MYBPC1: variants seen among roughly 807,000 people sequenced by gnomAD.
The protein encoded by MYBPC1 is myosin-binding protein C, slow-type.
MYBPC1 carries 52 observed loss-of-function variants against 147.1 expected under a neutral mutation model. The observed-to-expected ratio is 0.35, with a 90% confidence interval of 0.28 to 0.45. The LOEUF (loss-of-function observed/expected upper bound fraction) is 0.45. Ranked by LOEUF, MYBPC1 falls within the 20% of genes least tolerant of loss-of-function variation. The pLI, the probability that MYBPC1 is intolerant of heterozygous loss-of-function variation, is 1.00. For missense variants in MYBPC1, 1,228 were observed against 1,440.3 expected, an observed-to-expected ratio of 0.85 and a Z score of 2.39; for synonymous variants, 477 against 475.9, an observed-to-expected ratio of 1.00 and a Z score of -0.03.
chr12:101,670,117 T>C (rs563732012), intron 23 of MYBPC1, among the ~76,000 whole-genome samples: 42 of 110,366 alleles, frequency 3.8e-4, no homozygotes, highest in African/African-American at 1.4e-3. Context: ...CATCTCTGTG[T>C]GGAAACCACA....
chr12:101,661,112 C>T lies in MYBPC1; in HGVS notation c.1928-46C>T, dbSNP rs370917663. 4.9e-5 allele frequency: 62 copies of T among 1,272,622 alleles called. No individual in the cohort carries two copies. In the African/African-American group the frequency reaches 6.2e-4, roughly 13 times the overall value. 78.8% of individuals were successfully genotyped at this position (1,272,622 alleles called of 1,614,324 possible). A position where few individuals can be genotyped will look rare whatever the true frequency, so the allele number is the denominator to read the frequency against. On this transcript the variant is annotated intron_variant, in intron 19 of 31. Coordinates refer to ENST00000361466, the MANE Select transcript of MYBPC1 (RefSeq NM_002465.4). ...TTTTCCTATTAACTTTTTTTTTCTA[C>T]TCCCTCTTCCTTATTTTACTTTATC...
At position 101,617,101 on chromosome 12, in the gene MYBPC1, G is replaced by A. The variant is rs1593696951; in HGVS notation, c.62-101G>A. The stretch of plus-strand genomic sequence containing the variant: ...TTCAGTATCATTTATGACCTGTTCT[G>A]CTGTCATTTATTTCTTCCCTCCCCC... On this transcript the variant is annotated intron_variant, in intron 2 of 31. Coordinates refer to ENST00000361466, the MANE Select transcript of MYBPC1 (RefSeq NM_002465.4). The A allele has an allele frequency of 3.0e-6, 3 of 1,015,008 alleles. No homozygotes were observed. The East Asian group carries it at 7.4e-5, about 25-fold the overall frequency. 62.9% of individuals were successfully genotyped at this position (1,015,008 alleles called of 1,614,324 possible). A position where few individuals can be genotyped will look rare whatever the true frequency, so the allele number is the denominator to read the frequency against.
At chr12:101,649,781 A>T (rs1894021761) in intron 15 of MYBPC1, among the ~76,000 whole-genome samples, 1 of 152,240 alleles carries the variant, frequency 6.6e-6, no homozygotes, top group African/African-American at 2.4e-5. Flanking sequence ...CTGCAATTAC[A>T]TTTGGCATGA....
downstream of MYBPC1, among the ~76,000 whole-genome samples, chr12:101,687,815 T>C (rs76034039): frequency 8.9e-3 from 1,350 of 152,322 alleles, 28 homozygotes; most frequent in African/African-American, 0.03. Context: ...TGGTTTTACA[T>C]AGCCTAAAAG....
chr12:101,650,940 G>C, intron 15 of MYBPC1: 7 of 413,672 alleles, frequency 1.7e-5, no homozygotes, highest in Non-Finnish European at 2.3e-5. Flanking sequence ...TCACATGGAT[G>C]AACTGAGGTA....
intron 17 of MYBPC1, 42 bp downstream of exon 17, chr12:101,652,826 T>G: frequency 6.7e-7 from 1 of 1,492,740 alleles, no homozygotes; most frequent in Non-Finnish European, 9.3e-7. Context: ...GTGTTCTTTT[T>G]TGTTTGCTTT....
intron 28 of MYBPC1, 111 bp downstream of exon 28, chr12:101,678,349 G>C (rs1395204036): frequency 1.4e-6 from 2 of 1,478,160 alleles, no homozygotes; most frequent in Non-Finnish European, 1.9e-6. Flanking sequence ...TTCCCAGGAT[G>C]GGGGATTAGA....
downstream of MYBPC1, among the ~76,000 whole-genome samples, chr12:101,688,143 G>T (rs1191265200): frequency 1.3e-5 from 2 of 152,142 alleles, no homozygotes; most frequent in African/African-American, 2.4e-5. Flanking sequence ...TTTTAGGCTG[G>T]GCACGGTGGC....
chr12:101,664,738 C>G (rs929241088), intron 22 of MYBPC1: 4 of 152,244 alleles, frequency 2.6e-5, no homozygotes, highest in Non-Finnish European at 5.9e-5. Flanking sequence ...ACTCCACACA[C>G]AGAGTCCTAT....
Position 101,642,577 on chromosome 12 carries a change from A to G in MYBPC1, c.824A>G (p.Lys275Arg). Residue 275 changes from lysine (K) to arginine (R), a missense_variant, in exon 11 of 32, where the codon AAG (lysine) becomes AGG (arginine). This residue lies in a region of MYBPC1 where 1,077 missense variants were observed against 1,314.2 expected (regional missense o/e 0.82). Transcript: ENST00000361466. ...RLKRMRREEKKSAAFAKILDP... is the reference protein window; with the variant it reads ...RLKRMRREEKRSAAFAKILDP... ...AAGCGCATGCGCAGAGAGGAGAAGA[A>G]GAGCGCAGGTGAGCGCTCCCGGGGG... 6.2e-7 allele frequency: 1 copy of G among 1,611,016 alleles called. No individual in the cohort carries two copies. The highest frequency in any genetic ancestry group is 8.5e-7 in the Non-Finnish European group (1 of 1,178,740).
chr12:101,601,555 G>A (rs1478928011), intron 1 of MYBPC1, among the ~76,000 whole-genome samples: 1 of 152,142 alleles, frequency 6.6e-6, no homozygotes, highest in Non-Finnish European at 1.5e-5. Flanking sequence ...TTCACAAAAA[G>A]CTAACTGTAA....
chr12:101,672,901 C>G (rs560105193), intron 24 of MYBPC1, among the ~76,000 whole-genome samples: 1 of 152,250 alleles, frequency 6.6e-6, no homozygotes, highest in South Asian at 2.1e-4. Context: ...TGGGCAGAAG[C>G]TTTCTCAGCA....
At chr12:101,649,568 C>G (rs1893962507) in intron 15 of MYBPC1, 142 bp downstream of exon 15, 2 of 974,692 alleles carry the variant, frequency 2.1e-6, no homozygotes, top group East Asian at 2.5e-5. Context: ...AGCTAAGTGT[C>G]TATGTCAGAT....
At chr12:101,634,755 A>C in intron 9 of MYBPC1, 150 bp downstream of exon 9, 1 of 703,766 alleles carries the variant, frequency 1.4e-6, no homozygotes, top group South Asian at 1.6e-5. Flanking sequence ...TTGGTGTTCT[A>C]GAAAAACCAT....
At chr12:101,632,395 AGAT>A (rs1890093863) in intron 8 of MYBPC1, among the ~76,000 whole-genome samples, 1 of 152,216 alleles carries the variant, frequency 6.6e-6, no homozygotes, top group South Asian at 2.1e-4. Flanking sequence ...CCCAGATAAA[AGAT>A]GATGTCAGTT....
chr12:101,663,674 T>G, intron 22 of MYBPC1, 114 bp downstream of exon 22: 1 of 1,246,710 alleles, frequency 8.0e-7, no homozygotes, highest in Admixed American at 2.0e-5. Flanking sequence ...GAAAATAAGA[T>G]CAAGCCAAAC....
At chr12:101,686,333 A>G (rs1036711570), downstream of MYBPC1, among the ~76,000 whole-genome samples, 23 of 152,184 alleles carry the variant, frequency 1.5e-4, no homozygotes, top group Non-Finnish European at 2.5e-4. Context: ...CCCTGAACCC[A>G]GGTCTGCCCT....
chr12:101,636,567 G>A, intron 9 of MYBPC1, 105 bp from the exon 10 acceptor site: 1 of 897,080 alleles, frequency 1.1e-6, no homozygotes. Flanking sequence ...TTTAGTCCTT[G>A]TGTGGCACAA....
intron 10 of MYBPC1, among the ~76,000 whole-genome samples, chr12:101,638,294 A>G (rs1454367629): frequency 6.6e-6 from 1 of 152,218 alleles, no homozygotes; most frequent in African/African-American, 2.4e-5. Flanking sequence ...AGGAAAAGAA[A>G]TCCAGTGCCT....
Sources: allele counts gnomAD v4.1 joint callset (sites outside exome capture counted in the v4.1 genomes callset), GRCh38; gene constraint gnomAD v4.1.1; regional missense constraint gnomAD v4.1.1; transcripts MANE v1.5; gene names NCBI Gene and HGNC (gene_info 2026-07-23, HGNC 2026-07-21).